The following SIDT1 variants were observed in gnomAD, a reference collection of about 807,000 sequenced individuals.
SIDT1 encodes SID1 transmembrane family member 1.
Under a neutral mutation model 107.5 loss-of-function variants are expected in SIDT1, and 101 were observed. The ratio of observed to expected loss-of-function variants is 0.94; its 90% CI spans 0.80 to 1.11. The LOEUF is 1.11. Among genes scored for constraint, SIDT1 ranks in the 50% least tolerant of loss-of-function variants. The pLI, the probability that SIDT1 is intolerant of heterozygous loss-of-function variation, is 0.00. For missense variants in SIDT1, 1,076 were observed against 1,058.2 expected (o/e 1.02, Z -0.23); for synonymous variants, 395 against 398.2 (o/e 0.99, Z 0.10).
chr3:113,556,123 GT>G (rs1940831086), intron 1 of SIDT1, among the ~76,000 whole-genome samples: 3 of 152,232 alleles, frequency 2.0e-5, no homozygotes, highest in Admixed American at 2.0e-4. Flanking sequence ...TAAGTGATTT[GT>G]CCAAGGCCTC....
chr3:113,547,762 G>A (rs1560016609), intron 1 of SIDT1, among the ~76,000 whole-genome samples: 2 of 152,086 alleles, frequency 1.3e-5, no homozygotes, highest in Non-Finnish European at 2.9e-5. Flanking sequence ...CCACTGAAAA[G>A]CATTTTAGGA....
chr3:113,625,300 C>G (rs1028172804), intron 23 of SIDT1, among the ~76,000 whole-genome samples: 4 of 152,016 alleles, frequency 2.6e-5, no homozygotes, highest in Non-Finnish European at 5.9e-5. Context: ...CCGTGCCCAG[C>G]TAATTTTTTT....
chr3:113,593,355 C>G (rs1944316583), intron 10 of SIDT1, among the ~76,000 whole-genome samples: 1 of 152,174 alleles, frequency 6.6e-6, no homozygotes, highest in South Asian at 2.1e-4. Flanking sequence ...CCGCTCAGAT[C>G]AGTGGCAGCA....
intron 19 of SIDT1, 106 bp from the exon 20 acceptor site, chr3:113,615,994 A>G (rs1191796601): frequency 1.0e-5 from 8 of 802,334 alleles, no homozygotes; most frequent in Non-Finnish European, 1.8e-5. Flanking sequence ...ATGCATTTTA[A>G]TGAAGTGAGG....
Position 113,615,100 on chromosome 3 carries a change from A to C in SIDT1, c.1967-1000A>C, listed in dbSNP as rs147577582. On this transcript the variant is annotated intron_variant, in intron 19 of 24. Coordinates refer to ENST00000264852, the MANE Select transcript of SIDT1 (RefSeq NM_017699.3). ...CAGGTAATGTTCAGCCACCCTTTCC[A>C]GGGGTCTAGATTGTTTTTGTATCAA... The C allele has an allele frequency of 1.7e-3, 2,619 of 1,535,156 alleles. 44 individuals carry two copies. The African/African-American group carries it at 0.033, about 19-fold the overall frequency.
intron 10 of SIDT1, among the ~76,000 whole-genome samples, chr3:113,599,575 C>A (rs1315289619): frequency 6.6e-6 from 1 of 152,160 alleles, no homozygotes; most frequent in Non-Finnish European, 1.5e-5. Context: ...CCATTTGCAA[C>A]AATATGCCTT....
intron 3 of SIDT1, among the ~76,000 whole-genome samples, chr3:113,571,260 C>G (rs1414993669): frequency 6.6e-6 from 1 of 151,954 alleles, no homozygotes; most frequent in Non-Finnish European, 1.5e-5. Context: ...AAAATAAAAA[C>G]CAAAAAAATT....
At chr3:113,636,940 G>A in the SIDT1 span, among the ~76,000 whole-genome samples, 1 of 152,198 alleles carries the variant, frequency 6.6e-6, no homozygotes, top group African/African-American at 2.4e-5. Flanking sequence ...GCCCTGTGAA[G>A]TATGCAGGAC....
intron 1 of SIDT1, among the ~76,000 whole-genome samples, chr3:113,555,490 T>C (rs903648052): frequency 1.3e-5 from 2 of 152,224 alleles, no homozygotes; most frequent in Admixed American, 6.5e-5. Context: ...ACTGTGCATT[T>C]TTCTGTATTC....
At chr3:113,593,132 C>T in intron 10 of SIDT1, 84 bp downstream of exon 10, 1 of 1,166,078 alleles carries the variant, frequency 8.6e-7, no homozygotes, top group Non-Finnish European at 1.3e-6. Flanking sequence ...ACCTCTCTGC[C>T]TTTTGCAATT....
At chr3:113,613,009 AAGGG>A (rs903198140) in intron 19 of SIDT1, among the ~76,000 whole-genome samples, 13 of 152,250 alleles carry the variant, frequency 8.5e-5, no homozygotes, top group African/African-American at 2.6e-4. Flanking sequence ...AGGAGGGAAG[AAGGG>A]AGGGAGGGAA....
chr3:113,605,679 C>T (rs1015511155), intron 14 of SIDT1, among the ~76,000 whole-genome samples: 8 of 152,112 alleles, frequency 5.3e-5, no homozygotes, highest in African/African-American at 1.4e-4. Flanking sequence ...TGTGCCTTCC[C>T]ATTGAAGGTA....
Position 113,607,115 on chromosome 3 carries a change from G to GT in SIDT1, c.1478+2dup. On this transcript the variant is annotated splice_donor_variant, in intron 15 of 24. Coordinates refer to ENST00000264852, the MANE Select transcript of SIDT1 (RefSeq NM_017699.3). LOFTEE classifies it high-confidence loss of function. Reference sequence around the variant, plus strand: ...GTGCTCACCCCTTGGGCGTCCTGAGGTAAACCCAGTCCTCTGGTTGCCCAT... The same window carrying GT: ...GTGCTCACCCCTTGGGCGTCCTGAGGTTAAACCCAGTCCTCTGGTTGCCCAT... The GT allele has an allele frequency of 1.3e-6, 2 of 1,582,142 alleles. No individual in the cohort carries two copies. The highest frequency in any genetic ancestry group is 8.6e-7 in the Non-Finnish European group (1 of 1,157,368).
chr3:113,565,204 T>C (rs1296755477), intron 1 of SIDT1, among the ~76,000 whole-genome samples: 1 of 152,202 alleles, frequency 6.6e-6, no homozygotes. Flanking sequence ...TCTCTTCTAT[T>C]TTGTTCTCTT....
intron 9 of SIDT1, among the ~76,000 whole-genome samples, chr3:113,592,473 A>C (rs1304851995): frequency 4.6e-5 from 7 of 152,198 alleles, no homozygotes; most frequent in Admixed American, 4.6e-4. Context: ...TGAGAAACTG[A>C]CAAACTTTTC....
At position 113,566,447 on chromosome 3, in the gene SIDT1, A is replaced by G; in HGVS notation, c.250A>G (p.Ser84Gly). Residue 84 changes from serine to glycine, a missense_variant, in exon 2 of 25, where the codon AGT (serine) becomes GGT (glycine). Physicochemically the swap from Ser to Gly is moderately conservative, Grantham distance 56. Coordinates refer to ENST00000264852, the MANE Select transcript of SIDT1 (RefSeq NM_017699.3). ...QVTAVRVYVN[S>G]SSENLNYPVL... is the part of the protein sequence containing the mutation. Reference sequence around the variant, plus strand: ...GACAGCCGTGAGGGTGTATGTGAACAGTTCCTCTGAGAATCTCAACTACCC... The same window carrying G: ...GACAGCCGTGAGGGTGTATGTGAACGGTTCCTCTGAGAATCTCAACTACCC... The G allele has an allele frequency of 6.2e-7, 1 of 1,614,112 alleles. No individual in the cohort carries two copies. The highest frequency in any genetic ancestry group is 8.5e-7 in the Non-Finnish European group (1 of 1,180,026).
chr3:113,636,263 T>A, the SIDT1 span, among the ~76,000 whole-genome samples: 1 of 151,846 alleles, frequency 6.6e-6, no homozygotes, highest in African/African-American at 2.4e-5. Flanking sequence ...AATTAGCTCG[T>A]GTGATGGTGC....
intron 17 of SIDT1, among the ~76,000 whole-genome samples, chr3:113,610,691 G>T (rs1012317996): frequency 2.6e-5 from 4 of 152,180 alleles, no homozygotes; most frequent in African/African-American, 4.8e-5. Flanking sequence ...CATCTAAAAC[G>T]CAAGTGGGGG....
chr3:113,605,068 G>C, intron 14 of SIDT1, 92 bp downstream of exon 14: 2 of 1,377,870 alleles, frequency 1.5e-6, no homozygotes, highest in Admixed American at 1.8e-5. Context: ...GTACAACTTA[G>C]GATCCATTCA....
Sources: allele counts gnomAD v4.1 joint callset (sites outside exome capture counted in the v4.1 genomes callset), GRCh38; gene constraint gnomAD v4.1.1; transcripts MANE v1.5; gene names NCBI Gene and HGNC (gene_info 2026-07-23, HGNC 2026-07-21).